ARMH4: variants seen among roughly 807,000 people sequenced by gnomAD.
The protein encoded by ARMH4 is armadillo-like helical domain-containing protein 4.
ARMH4 carries 49 observed loss-of-function variants against 61.9 expected under a neutral mutation model. That is an observed-to-expected ratio of 0.79 (90% confidence interval 0.63 to 1.00). The LOEUF is 1.00. ARMH4 is among the 50% of genes least tolerant of loss of function. The probability of loss-of-function intolerance (pLI) is 0.00; values close to 1 mark genes in which losing one functional copy is unlikely to be tolerated. For missense variants in ARMH4, 934 were observed against 930.0 expected (o/e 1.00, Z -0.06); for synonymous variants, 368 against 341.5 (o/e 1.08, Z -0.85).
chr14:58,126,610 T>C (rs1264470456), intron 4 of ARMH4, among the ~76,000 whole-genome samples: 4 of 152,090 alleles, frequency 2.6e-5, no homozygotes, highest in Admixed American at 2.0e-4. Context: ...TTCTGCCCCA[T>C]GTATGGTGCC....
At chr14:58,107,550 G>C (rs1347587429) in intron 4 of ARMH4, among the ~76,000 whole-genome samples, 3 of 152,086 alleles carry the variant, frequency 2.0e-5, no homozygotes, top group African/African-American at 7.2e-5. Flanking sequence ...TGAATCATGA[G>C]GTCAGGAGAT....
In ARMH4 at chr14:58,004,683, T is replaced by C; in HGVS notation, c.*53A>G. 16 of 1,389,258 alleles carry C rather than the reference T, an allele frequency of 1.2e-5. No homozygotes were observed. In the South Asian group the frequency reaches 2.0e-4, roughly 18 times the overall value. 86.1% of individuals were successfully genotyped at this position (1,389,258 alleles called of 1,614,324 possible). A position where few individuals can be genotyped will look rare whatever the true frequency, so the allele number is the denominator to read the frequency against. ...TTCTTTTTTTTTTTCTGCTCCAAAA[T>C]AAAAATTAGAATAGTAGCATCGTTG... is the stretch of plus-strand genomic sequence containing the variant. On this transcript the variant is annotated 3_prime_UTR_variant, in exon 8 of 8. Transcript: ENST00000267485.
chr14:58,106,829 C>G (rs1886181785), intron 4 of ARMH4, among the ~76,000 whole-genome samples: 1 of 151,420 alleles, frequency 6.6e-6, no homozygotes, highest in African/African-American at 2.4e-5. Context: ...CTTGGATGCT[C>G]AAATATCACA....
intron 5 of ARMH4, among the ~76,000 whole-genome samples, chr14:58,096,098 G>A (rs952537226): frequency 2.6e-5 from 4 of 152,108 alleles, no homozygotes; most frequent in African/African-American, 7.2e-5. Flanking sequence ...CCACAAGCAC[G>A]GGCCATGAAT....
chr14:58,040,993 T>C (rs1398744872), intron 5 of ARMH4, among the ~76,000 whole-genome samples: 1 of 152,210 alleles, frequency 6.6e-6, no homozygotes, highest in Non-Finnish European at 1.5e-5. Flanking sequence ...GGTTCCAAGA[T>C]GGCTGAACAG....
intron 4 of ARMH4, among the ~76,000 whole-genome samples, chr14:58,098,980 A>G (rs144270398): frequency 5.9e-5 from 9 of 152,302 alleles, no homozygotes; most frequent in Non-Finnish European, 1.2e-4. Flanking sequence ...CAATCTGGAA[A>G]GAGGAGAGAG....
At chr14:58,107,398 T>C (rs953237047) in intron 4 of ARMH4, among the ~76,000 whole-genome samples, 1 of 152,236 alleles carries the variant, frequency 6.6e-6, no homozygotes, top group Admixed American at 6.5e-5. Context: ...TATTTATTCA[T>C]GAGTTTTACA....
chr14:58,075,467 G>A, intron 5 of ARMH4, among the ~76,000 whole-genome samples: 1 of 152,148 alleles, frequency 6.6e-6, no homozygotes. Flanking sequence ...CATGGATGAA[G>A]CTAGAAAGCA....
intron 4 of ARMH4, 50 bp downstream of exon 4, chr14:58,131,462 G>A: frequency 6.9e-7 from 1 of 1,440,856 alleles, no homozygotes; most frequent in Non-Finnish European, 9.7e-7. Context: ...CATTTGCTCA[G>A]TGACTCACTC....
At chr14:58,065,362 C>A (rs1489872372) in intron 5 of ARMH4, among the ~76,000 whole-genome samples, 3 of 152,216 alleles carry the variant, frequency 2.0e-5, no homozygotes, top group African/African-American at 4.8e-5. Context: ...GGAGGCTAAA[C>A]CTACCAAGCA....
At chr14:58,079,076 T>G (rs1035889250) in intron 5 of ARMH4, among the ~76,000 whole-genome samples, 1 of 152,218 alleles carries the variant, frequency 6.6e-6, no homozygotes, top group Non-Finnish European at 1.5e-5. Context: ...GAAACCCTTT[T>G]GACCTGTGGC....
rs565200413 is a variant in ARMH4 at position 58,074,941 on chromosome 14, G to C, written c.2089+21783C>G. ...GGAAGGAACTCACAAAATTATGAGA[G>C]GGATGTGGCTTTATATATTAAGAGC... On this transcript the variant is annotated intron_variant, in intron 5 of 7. Transcript: ENST00000267485. Among the ~76,000 whole-genome samples, 51 of 152,230 alleles carry C rather than the reference G, an allele frequency of 3.4e-4. 1 individual carries two copies. In the South Asian group the frequency reaches 9.1e-3, roughly 27 times the overall value.
chr14:58,115,494 C>T (rs919897139), intron 4 of ARMH4, among the ~76,000 whole-genome samples: 6 of 152,084 alleles, frequency 3.9e-5, no homozygotes, highest in African/African-American at 9.7e-5. Flanking sequence ...TTAATTCAGC[C>T]CCTGTGGAAA....
At chr14:58,008,869 A>C (rs1882282675) in intron 6 of ARMH4, among the ~76,000 whole-genome samples, 1 of 152,234 alleles carries the variant, frequency 6.6e-6, no homozygotes, top group African/African-American at 2.4e-5. Flanking sequence ...TAAAGCTAGA[A>C]GAAATAGATT....
intron 5 of ARMH4, among the ~76,000 whole-genome samples, chr14:58,027,129 A>G (rs977473551): frequency 2.0e-5 from 3 of 152,248 alleles, no homozygotes; most frequent in Admixed American, 1.3e-4. Context: ...CTGCACACTC[A>G]AGAGAGATTA....
chr14:58,080,597 G>C (rs1025971682), intron 5 of ARMH4, among the ~76,000 whole-genome samples: 2 of 152,178 alleles, frequency 1.3e-5, no homozygotes, highest in Non-Finnish European at 1.5e-5. Context: ...AAGGGAGAGA[G>C]AGGGAGGGAG....
At chr14:58,109,456 T>C (rs1475802016) in intron 4 of ARMH4, among the ~76,000 whole-genome samples, 7 of 152,354 alleles carry the variant, frequency 4.6e-5, no homozygotes, top group African/African-American at 1.2e-4. Flanking sequence ...TGTGTTTCCA[T>C]GCCTATTCTG....
chr14:58,094,465 G>GTTC, intron 5 of ARMH4, among the ~76,000 whole-genome samples: 1 of 151,984 alleles, frequency 6.6e-6, no homozygotes, highest in African/African-American at 2.4e-5. Context: ...CCAAAACAGG[G>GTTC]AACAACTCAG....
At chr14:58,079,061 A>G (rs972259037) in intron 5 of ARMH4, among the ~76,000 whole-genome samples, 2 of 152,216 alleles carry the variant, frequency 1.3e-5, no homozygotes, top group Admixed American at 1.3e-4. Flanking sequence ...AGACCATGCA[A>G]TTTGGAAACC....
Sources: gnomAD v4.1 joint callset for allele counts (sites outside exome capture counted in the v4.1 genomes callset) on GRCh38, gnomAD v4.1.1 for gene constraint, MANE v1.5 for transcripts, NCBI Gene and HGNC (gene_info 2026-07-23, HGNC 2026-07-21) for gene names.